NOL10: variants seen among roughly 807,000 people sequenced by gnomAD.
NOL10 encodes nucleolar protein 10, also known as H_NH0074G24.1.
In NOL10, 58 loss-of-function variants were observed where a neutral mutation model predicts 103.5. That is an observed-to-expected ratio of 0.56 (90% CI 0.45 to 0.70). The LOEUF is 0.70. Among genes scored for constraint, NOL10 ranks in the 30% least tolerant of loss-of-function variants. The pLI is 0.00. For synonymous variants in NOL10, 287 were observed against 282.5 expected (o/e 1.02, Z -0.16); for missense variants, 763 against 807.3 (o/e 0.95, Z 0.67).
At chr2:10,608,154 C>A (rs1411625083) in intron 13 of NOL10, among the ~76,000 whole-genome samples, 2 of 152,100 alleles carry the variant, frequency 1.3e-5, no homozygotes, top group Non-Finnish European at 2.9e-5. Flanking sequence ...ACAACAAATA[C>A]ATGTAATTTT....
Position 10,686,850 on chromosome 2 carries a change from T to C in NOL10, c.67-2238A>G, listed in dbSNP as rs1194566781. ...ACCACTAGGTTGCAGGAGGGGGAAA[T>C]GTGGGGGGAAAGCTGGTGTTCTACT... On this transcript the variant is annotated intron_variant, in intron 1 of 20. Coordinates refer to ENST00000381685, the MANE Select transcript of NOL10 (RefSeq NM_024894.4). Among the ~76,000 whole-genome samples, 6 of 150,692 alleles carry C rather than the reference T, an allele frequency of 4.0e-5. No homozygotes were observed. In the Admixed American group the frequency reaches 4.0e-4, roughly 10 times the overall value.
At chr2:10,633,797 G>A (rs1029476869) in intron 13 of NOL10, among the ~76,000 whole-genome samples, 6 of 148,720 alleles carry the variant, frequency 4.0e-5, no homozygotes, top group African/African-American at 1.3e-4. Flanking sequence ...ATATGTATGT[G>A]TGTGTGTGTG....
Position 10,601,356 on chromosome 2 carries a change from G to A in NOL10, c.1333-414C>T, listed in dbSNP as rs540974597. ...TGGGATTACAGGCATGAGCCACCACGCCCAGCCAACTAATTCGTATTTTAA... is the reference window on the plus strand; with the variant it reads ...TGGGATTACAGGCATGAGCCACCACACCCAGCCAACTAATTCGTATTTTAA... On this transcript the variant is annotated intron_variant, in intron 16 of 20. Transcript: ENST00000381685. 1.5e-4 allele frequency among the ~76,000 whole-genome samples: 22 copies of A among 151,716 alleles called. No individual in the cohort carries two copies. The South Asian group carries it at 1.9e-3, about 13-fold the overall frequency.
intron 13 of NOL10, among the ~76,000 whole-genome samples, chr2:10,624,168 T>C (rs1558298450): frequency 6.6e-6 from 1 of 151,816 alleles, no homozygotes. Context: ...CAGAAGTAGA[T>C]TTTTCTTTTC....
At position 10,669,513 on chromosome 2, in the gene NOL10, TACACAC is replaced by T. The variant is rs112846253; in HGVS notation, c.465-796_465-791del. Reference sequence around the variant, plus strand: ...ACACACACATACACACACACATATATACACACACACACACACACACACACACACAAA... The same window carrying T: ...ACACACACATACACACACACATATATACACACACACACACACACACACAAA... On this transcript the variant is annotated intron_variant, in intron 6 of 20. Transcript: ENST00000381685. Among the ~76,000 whole-genome samples the T allele has an allele frequency of 2.7e-3, 361 of 132,824 alleles. 2 individuals are homozygous for T. Among genetic ancestry groups the T allele is most frequent in the East Asian group, 0.015 (47 of 3,068 alleles). The allele number at this position is 132,824 out of a possible 152,430, so 87.1% of individuals were successfully genotyped here. A position where few individuals can be genotyped will look rare whatever the true frequency, so the allele number is the denominator to read the frequency against.
intron 6 of NOL10, 132 bp from the exon 7 acceptor site, chr2:10,668,855 C>G (rs1680725835): frequency 2.9e-6 from 1 of 342,848 alleles, no homozygotes; most frequent in Admixed American, 4.4e-5. Context: ...AAAACGTATT[C>G]TAAATCTGAA....
chr2:10,646,948 AGT>A (rs1679113185), intron 12 of NOL10, among the ~76,000 whole-genome samples: 8 of 152,394 alleles, frequency 5.2e-5, no homozygotes, highest in Middle Eastern at 3.4e-3. Flanking sequence ...CCGTAAGTAC[AGT>A]GTGAGGACAA....
intron 6 of NOL10, among the ~76,000 whole-genome samples, chr2:10,669,511 TATACACACACAC>T (rs1680788751): frequency 3.2e-5 from 3 of 95,126 alleles, no homozygotes; most frequent in South Asian, 2.6e-4. Flanking sequence ...CACACACATA[TATACACACACAC>T]ACACACACAC....
In NOL10 at chr2:10,570,822, A is replaced by C. The variant is rs1481837981; in HGVS notation, c.*1249T>G. ...GTTTCCTCCAGTAAGTTTATGTTTG[A>C]CTGTACTTAAGAAACAGGAAAAAAA... is the stretch of plus-strand genomic sequence containing the variant. On this transcript the variant is annotated 3_prime_UTR_variant, in exon 21 of 21. Coordinates refer to ENST00000381685, the MANE Select transcript of NOL10 (RefSeq NM_024894.4). 6.8e-6 allele frequency: 1 copy of C among 147,998 alleles called. No homozygotes were observed. Among genetic ancestry groups the C allele is most frequent in the Non-Finnish European group, 1.5e-5 (1 of 67,804 alleles). 9.2% of individuals were successfully genotyped at this position (147,998 alleles called of 1,614,324 possible).
chr2:10,681,388 C>G (rs953445282), intron 3 of NOL10, among the ~76,000 whole-genome samples: 3 of 151,740 alleles, frequency 2.0e-5, no homozygotes, highest in African/African-American at 7.3e-5. Flanking sequence ...CAGTGTATGA[C>G]TACATTTATA....
At chr2:10,656,232 CATCAATT>C (rs1679835624) in intron 11 of NOL10, among the ~76,000 whole-genome samples, 2 of 152,130 alleles carry the variant, frequency 1.3e-5, no homozygotes, top group South Asian at 2.1e-4. Context: ...ATTGTTTTAA[CATCAATT>C]AGTTTGAATT....
intron 13 of NOL10, among the ~76,000 whole-genome samples, chr2:10,636,375 C>T (rs576375576): frequency 1.3e-4 from 17 of 133,182 alleles, no homozygotes; most frequent in South Asian, 9.4e-4. Flanking sequence ...CAGGAGTTGG[C>T]GACCAGCCTG....
chr2:10,627,679 A>C (rs7592936), intron 13 of NOL10, among the ~76,000 whole-genome samples: 8,041 of 148,452 alleles, frequency 0.054, 493 homozygotes, highest in African/African-American at 0.15. Context: ...CGTCTCAAAA[A>C]AAACAAACAA....
chr2:10,579,257 T>A (rs1259595616), intron 19 of NOL10, among the ~76,000 whole-genome samples: 2 of 152,238 alleles, frequency 1.3e-5, no homozygotes, highest in African/African-American at 4.8e-5. Flanking sequence ...AGAAGCACTT[T>A]TAAAGTACTT....
At chr2:10,610,381 T>G (rs1487827891) in intron 13 of NOL10, among the ~76,000 whole-genome samples, 2 of 152,230 alleles carry the variant, frequency 1.3e-5, no homozygotes, top group Non-Finnish European at 2.9e-5. Context: ...TGGTTTAAAT[T>G]GCCTGTCAGG....
At chr2:10,635,883 G>A (rs1305703173) in intron 13 of NOL10, among the ~76,000 whole-genome samples, 1 of 152,104 alleles carries the variant, frequency 6.6e-6, no homozygotes, top group Non-Finnish European at 1.5e-5. Flanking sequence ...GTCCATCTAG[G>A]AATTTCATGT....
intron 13 of NOL10, among the ~76,000 whole-genome samples, chr2:10,637,255 C>A (rs1678325691): frequency 7.4e-6 from 1 of 134,250 alleles, no homozygotes; most frequent in South Asian, 2.4e-4. Context: ...CAGAAAAAAA[C>A]CTGAGAAAAA....
At chr2:10,661,853 A>T (rs1245179559) in intron 9 of NOL10, among the ~76,000 whole-genome samples, 1 of 152,074 alleles carries the variant, frequency 6.6e-6, no homozygotes, top group African/African-American at 2.4e-5. Flanking sequence ...AACAAAAACG[A>T]AAAAGCTAAG....
At chr2:10,653,076 G>A (rs1171750786) in intron 12 of NOL10, among the ~76,000 whole-genome samples, 5 of 151,842 alleles carry the variant, frequency 3.3e-5, no homozygotes, top group Admixed American at 2.0e-4. Context: ...CGTGCCTGTA[G>A]TCCCATCTAC....
Sources: allele counts gnomAD v4.1 joint callset (sites outside exome capture counted in the v4.1 genomes callset), GRCh38; gene constraint gnomAD v4.1.1; transcripts MANE v1.5; gene names NCBI Gene and HGNC (gene_info 2026-07-23, HGNC 2026-07-21).